NAALADL2: variants seen among roughly 807,000 people sequenced by gnomAD.
NAALADL2 encodes the protein N-acetylated alpha-linked acidic dipeptidase like 2.
Under a neutral mutation model 87.2 loss-of-function variants are expected in NAALADL2, and 76 were observed. The ratio of observed to expected loss-of-function variants is 0.87; its 90% CI spans 0.72 to 1.05. The LOEUF (loss-of-function observed/expected upper bound fraction) is 1.05. NAALADL2 is among the 50% of genes least tolerant of loss of function. The pLI, the probability that NAALADL2 is intolerant of heterozygous loss-of-function variation, is 0.00. For synonymous variants in NAALADL2, 354 were observed against 331.0 expected (o/e 1.07, Z -0.75); for missense variants, 1,089 against 945.8 (o/e 1.15, Z -1.99).
intron 1 of NAALADL2, among the ~76,000 whole-genome samples, chr3:174,982,194 G>C (rs1465390869): frequency 6.6e-6 from 1 of 152,096 alleles, no homozygotes; most frequent in Admixed American, 6.5e-5. Context: ...AGATAGTCTG[G>C]TTGAATCCAG....
At chr3:174,489,092 G>T (rs552393322) in intron 1 of NAALADL2, among the ~76,000 whole-genome samples, 1 of 152,000 alleles carries the variant, frequency 6.6e-6, no homozygotes, top group Admixed American at 6.6e-5. Flanking sequence ...CCTCATTGCT[G>T]GTTGCTGGCT....
intron 5 of NAALADL2, among the ~76,000 whole-genome samples, chr3:175,338,293 G>C (rs13317240): frequency 0.041 from 6,277 of 152,102 alleles, 414 homozygotes; most frequent in African/African-American, 0.14. Context: ...TAAGCATTGT[G>C]ATGGTTCATA....
chr3:175,413,699 G>A (rs543000137), intron 5 of NAALADL2, among the ~76,000 whole-genome samples: 14 of 152,048 alleles, frequency 9.2e-5, no homozygotes, highest in African/African-American at 2.4e-4. Flanking sequence ...CTACCTGGAC[G>A]TCATGGAACA....
intron 2 of NAALADL2, among the ~76,000 whole-genome samples, chr3:174,676,294 A>C (rs1299050433): frequency 6.6e-6 from 1 of 152,084 alleles, no homozygotes. Flanking sequence ...CATTGTGGTA[A>C]GGCTTTAGTC....
intron 9 of NAALADL2, among the ~76,000 whole-genome samples, chr3:175,561,588 C>T (rs1255490479): frequency 2.6e-5 from 4 of 152,008 alleles, no homozygotes; most frequent in Non-Finnish European, 5.9e-5. Context: ...ATATGCTGTA[C>T]AAAATATGTA....
intron 1 of NAALADL2, among the ~76,000 whole-genome samples, chr3:174,442,508 A>AAAAT (rs997741406): frequency 3.2e-4 from 49 of 152,202 alleles, no homozygotes; most frequent in African/African-American, 1.2e-3. Flanking sequence ...AAGAGTATTA[A>AAAAT]AGACCTTTAA....
intron 12 of NAALADL2, among the ~76,000 whole-genome samples, chr3:175,749,997 A>G (rs559047849): frequency 6.6e-6 from 1 of 152,326 alleles, no homozygotes; most frequent in South Asian, 2.1e-4. Context: ...GCTACTCCAC[A>G]AAGCTCCATA....
At chr3:174,686,375 A>AT (rs1354797523) in intron 2 of NAALADL2, among the ~76,000 whole-genome samples, 7 of 151,856 alleles carry the variant, frequency 4.6e-5, no homozygotes, top group Non-Finnish European at 7.4e-5. Context: ...AGCATCTGTT[A>AT]TTTTTTGACT....
intron 2 of NAALADL2, among the ~76,000 whole-genome samples, chr3:174,698,947 A>ATG (rs375672663): frequency 0.015 from 2,085 of 140,760 alleles, 46 homozygotes; most frequent in African/African-American, 0.047. Flanking sequence ...ATATATATGA[A>ATG]TGTGTGTGTG....
chr3:175,206,243 A>T (rs1740818486), intron 2 of NAALADL2, among the ~76,000 whole-genome samples: 1 of 81,582 alleles, frequency 1.2e-5, no homozygotes, highest in East Asian at 3.0e-4. Context: ...TGGATAAAAA[A>T]CTATATATAT....
intron 2 of NAALADL2, among the ~76,000 whole-genome samples, chr3:174,729,772 G>A (rs1410152536): frequency 6.6e-6 from 1 of 151,790 alleles, no homozygotes; most frequent in East Asian, 1.9e-4. Flanking sequence ...TTAAAAGAAT[G>A]AGTTGATATG....
At chr3:175,217,069 A>C (rs1017052458) in intron 2 of NAALADL2, among the ~76,000 whole-genome samples, 2 of 152,228 alleles carry the variant, frequency 1.3e-5, no homozygotes, top group Non-Finnish European at 2.9e-5. Context: ...ACATTGATTC[A>C]CAAATGCTTT....
chr3:174,826,455 C>G (rs115381843), intron 3 of NAALADL2, among the ~76,000 whole-genome samples: 14 of 152,274 alleles, frequency 9.2e-5, no homozygotes, highest in Non-Finnish European at 1.9e-4. Context: ...ACTCAAATTA[C>G]TTGGCACATA....
intron 11 of NAALADL2, among the ~76,000 whole-genome samples, chr3:175,635,902 G>A (rs1728460751): frequency 6.6e-6 from 1 of 151,988 alleles, no homozygotes; most frequent in African/African-American, 2.4e-5. Context: ...CAAACTTTCT[G>A]TATAATAAAA....
At chr3:175,393,167 G>A (rs951935823) in intron 5 of NAALADL2, among the ~76,000 whole-genome samples, 2 of 149,850 alleles carry the variant, frequency 1.3e-5, no homozygotes, top group East Asian at 2.0e-4. Context: ...CCAGCTACTC[G>A]GGAGGCTGAG....
At chr3:174,593,821 C>T (rs1717623823) in intron 2 of NAALADL2, among the ~76,000 whole-genome samples, 1 of 152,072 alleles carries the variant, frequency 6.6e-6, no homozygotes, top group Admixed American at 6.6e-5. Flanking sequence ...TTGTAAGACA[C>T]TAATCATATG....
At chr3:175,777,546 G>C (rs1056931915) in intron 13 of NAALADL2, among the ~76,000 whole-genome samples, 6 of 152,066 alleles carry the variant, frequency 3.9e-5, no homozygotes, top group African/African-American at 1.4e-4. Flanking sequence ...TTGGAAACCT[G>C]GAGAAATACA....
At chr3:175,080,204 A>G (rs1432404149) in intron 1 of NAALADL2, among the ~76,000 whole-genome samples, 1 of 152,124 alleles carries the variant, frequency 6.6e-6, no homozygotes, top group Non-Finnish European at 1.5e-5. Flanking sequence ...TGACCTCGTG[A>G]TCCACGCACC....
intron 2 of NAALADL2, among the ~76,000 whole-genome samples, chr3:174,719,068 A>G (rs1731467057): frequency 6.6e-6 from 1 of 152,162 alleles, no homozygotes; most frequent in Non-Finnish European, 1.5e-5. Flanking sequence ...GCACATGAAG[A>G]CGACTTCTCA....
Sources: allele counts gnomAD v4.1 joint callset (sites outside exome capture counted in the v4.1 genomes callset), GRCh38; gene constraint gnomAD v4.1.1; transcripts MANE v1.5; gene names NCBI Gene and HGNC (gene_info 2026-07-23, HGNC 2026-07-21).